The following DMPK variants were observed in gnomAD, a reference collection of about 807,000 sequenced individuals.
DMPK encodes myotonin-protein kinase.
A neutral mutation model predicts 70.3 loss-of-function variants in DMPK; 32 were observed. The observed-to-expected ratio is 0.46, with a 90% CI of 0.34 to 0.61. The LOEUF is 0.61. Among genes scored for constraint, DMPK ranks in the 20% least tolerant of loss-of-function variants. DMPK has a pLI of 0.01. For synonymous variants in DMPK, 469 were observed against 390.9 expected, an observed-to-expected ratio of 1.20 and a Z score of -2.36; for missense variants, 899 against 886.0, an observed-to-expected ratio of 1.01 and a Z score of -0.19.
In DMPK at chr19:45,771,055, A is replaced by T; in HGVS notation, c.1653T>A (p.Asp551Glu). 6.6e-7 allele frequency: 1 copy of T among 1,521,494 alleles called. No individual in the cohort carries two copies. The highest frequency in any genetic ancestry group is 8.8e-7 in the Non-Finnish European group (1 of 1,135,916). 94.2% of individuals were successfully genotyped at this position (1,521,494 alleles called of 1,614,324 possible). ...PRATDPPSHL[D>E]GPPAVAVGQC... ...GGCCCACAGCCACGGCCGGGGGGCC[A>T]TCTAGCTGGAGAGAGAAGGGACAGG... Residue 551 changes from aspartate to glutamate, a missense_variant, in exon 14 of 15, where the codon GAT becomes GAA. By Grantham distance (45) the Asp-to-Glu change is conservative. Coordinates refer to ENST00000291270, the MANE Select transcript of DMPK (RefSeq NM_004409.5).
In DMPK at chr19:45,771,659, T is replaced by C. The variant is rs1390572506; in HGVS notation, c.1509A>G (p.Leu503=). The C allele has an allele frequency of 1.2e-6, 2 of 1,613,870 alleles. No individual in the cohort carries two copies. The highest frequency in any genetic ancestry group is 1.1e-5 in the South Asian group (1 of 91,084). ...RTDNQNFASQ[L]REAEARNRDL... ...CCCGGTTCCGAGCCTCTGCCTCGCG[T>C]AGTTGACTGTGGGGAGGTAAGGACG... The change falls in exon 12 of 15, where the codon CTA becomes CTG. Residue 503 remains leucine (L), a synonymous_variant. Transcript: ENST00000291270.
rs754121701 is a variant in DMPK, at chr19:45,777,419, G to T, written c.1054C>A (p.Pro352Thr). ...CCTTCGAAATCCGGTGTAAAGGGGG[G>T]CACGCTGTCCCGGAGACCATCCCAG... ...LDWDGLRDSV[P>T]PFTPDFEGAT... Residue 352 changes from proline to threonine, a missense_variant, in exon 8 of 15, where the codon CCC becomes ACC. By Grantham distance (38) the Pro-to-Thr change is conservative. Around this residue, in one of 3 missense-constraint regions of DMPK, gnomAD observed 555 missense variants for 483.8 expected, o/e 1.15. Transcript: ENST00000291270. The surrounding 1 kb of genome is among the most constrained non-coding windows in gnomAD (Gnocchi z 6.7). 1 of 1,613,370 alleles carries T rather than the reference G, an allele frequency of 6.2e-7. No individual in the cohort carries two copies. The highest frequency in any genetic ancestry group is 8.5e-7 in the Non-Finnish European group (1 of 1,179,946).
At chr19:45,773,098 C>T (rs1031800187) in intron 9 of DMPK, among the ~76,000 whole-genome samples, 2 of 152,166 alleles carry the variant, frequency 1.3e-5, no homozygotes, top group East Asian at 1.9e-4. Context: ...ACAGGGAGGC[C>T]GACCTGATGG....
chr19:45,777,781 C>G lies in DMPK; in HGVS notation c.768G>C (p.Gly256=). The G allele has an allele frequency of 6.2e-7, 1 of 1,613,004 alleles. No individual in the cohort carries two copies. The highest frequency in any genetic ancestry group is 8.5e-7 in the Non-Finnish European group (1 of 1,180,030). Residue 256 remains glycine (G), a synonymous_variant, in exon 7 of 15, where the codon GGG becomes GGC. Transcript: ENST00000291270. The surrounding 1 kb of genome is among the most constrained non-coding windows in gnomAD (Gnocchi z 6.7). ...CCAGCGCCCACCAGTCACACTCGGG[C>G]CCGTAGCTGCCTGTCCCAGGCCCAC... The part of the protein sequence containing the change: ...VGGGPGTGSY[G]PECDWWALGV...
intron 10 of DMPK, chr19:45,772,193 C>T: frequency 2.1e-6 from 1 of 487,074 alleles, no homozygotes; most frequent in South Asian, 3.5e-5. Context: ...CCCTCTGCTG[C>T]TCAAAATCCC....
chr19:45,771,287 G>C (rs372182032), intron 13 of DMPK, 63 bp downstream of exon 13: 99 of 1,542,158 alleles, frequency 6.4e-5, no homozygotes, highest in Non-Finnish European at 8.5e-5. Context: ...GAGACCAGGA[G>C]CCAGGGAGGG....
chr19:45,772,470 CTGTAACTACAGAGACCGTCCCA>C, intron 10 of DMPK, 149 bp downstream of exon 10: 1 of 510,084 alleles, frequency 2.0e-6, no homozygotes, highest in Middle Eastern at 2.7e-4. Context: ...TAATGCCCCA[CTGTAACTACAGAGACCGTCCCA>C]TGTCTGAAGT....
intron 5 of DMPK, 88 bp downstream of exon 5, chr19:45,778,405 C>T (rs1969902226): frequency 1.3e-6 from 2 of 1,533,522 alleles, no homozygotes; most frequent in Non-Finnish European, 8.9e-7. Flanking sequence ...GAAGGTCCCT[C>T]TCCAGGCCCT....
At position 45,770,718 on chromosome 19, in the gene DMPK, G is replaced by A. The variant is rs924606275; in HGVS notation, c.1738-78C>T. On this transcript the variant is annotated intron_variant, in intron 14 of 14. Coordinates refer to ENST00000291270, the MANE Select transcript of DMPK (RefSeq NM_004409.5). ...GGGACTCGCCCCGCCTACGCCCATA[G>A]GTGGGCCCGCACTCTTCCCTGCGCC... 18 of 1,470,950 alleles carry A rather than the reference G, an allele frequency of 1.2e-5. No individual in the cohort carries two copies. The South Asian group carries it at 2.2e-4, about 18-fold the overall frequency. The allele number at this position is 1,470,950 out of a possible 1,614,324, so 91.1% of individuals were successfully genotyped here.
chr19:45,770,821 T>G (rs2146219670), intron 14 of DMPK, 150 bp downstream of exon 14: 1 of 958,300 alleles, frequency 1.0e-6, no homozygotes, highest in Middle Eastern at 3.4e-4. Context: ...CGTCATTGGC[T>G]GCTTCCTAGC....
chr19:45,770,156 C>T lies in DMPK; in HGVS notation c.*332G>A, dbSNP rs1328477637. On this transcript the variant is annotated 3_prime_UTR_variant, in exon 15 of 15. Coordinates refer to ENST00000291270, the MANE Select transcript of DMPK (RefSeq NM_004409.5). ...CCCAGGCCTGCAGTTTGCCCATCCA[C>T]GTCAGGGCCTCAGCCTGGCCGAAAG... The T allele has an allele frequency of 3.2e-6, 2 of 634,884 alleles. No individual in the cohort carries two copies. The highest frequency in any genetic ancestry group is 2.4e-5 in the Admixed American group (1 of 41,812). 39.3% of individuals were successfully genotyped at this position (634,884 alleles called of 1,614,324 possible).
rs771380204 is a variant in DMPK at position 45,779,541 on chromosome 19, G to C, written c.253-19C>G. ...CCGCTACCTGAGGTCGAGATAGTGA[G>C]ACAGAGTGGAGACGGCGGGAAAACA... On this transcript the variant is annotated intron_variant, in intron 2 of 14. Transcript: ENST00000291270. 2.9e-5 allele frequency: 46 copies of C among 1,613,240 alleles called. No individual in the cohort carries two copies. The highest frequency in any genetic ancestry group is 3.9e-5 in the Non-Finnish European group (46 of 1,179,686).
Position 45,777,127 on chromosome 19 carries a change from G to A in DMPK, c.1146+200C>T. The A allele has an allele frequency of 1.4e-6, 1 of 729,830 alleles. No homozygotes were observed. Among genetic ancestry groups the A allele is most frequent in the Non-Finnish European group, 2.1e-6 (1 of 470,072 alleles). The allele number at this position is 729,830 out of a possible 1,614,324, so 45.2% of individuals were successfully genotyped here. On this transcript the variant is annotated intron_variant, in intron 8 of 14. Coordinates refer to ENST00000291270, the MANE Select transcript of DMPK (RefSeq NM_004409.5). This position sits in a 1 kb window ranked among gnomAD's most constrained non-coding sequence, Gnocchi z 6.7. ...GCCCTGATCACTCTGGGGCCTTACT[G>A]TCTGAAGACTGCTCTGTGTTCCCCC...
Position 45,770,446 on chromosome 19 carries a change from A to AC in DMPK, c.*41_*42insG. ...CTTCTGTGCCGTGCCCCGGGCACTC[A>AC]GTCTTCCAACGGGGCCCCGGAGTCG... On this transcript the variant is annotated 3_prime_UTR_variant, in exon 15 of 15. Transcript: ENST00000291270. 6.5e-7 allele frequency: 1 copy of AC among 1,547,836 alleles called. No individual in the cohort carries two copies.
intron 13 of DMPK, 49 bp downstream of exon 13, chr19:45,771,301 C>G (rs1969420593): frequency 1.9e-6 from 3 of 1,556,658 alleles, no homozygotes; most frequent in Non-Finnish European, 2.6e-6. Context: ...GGGAGGGGAT[C>G]TGCAGAATGG....
chr19:45,779,023 C>G (rs1371043237), intron 4 of DMPK: 26 of 593,140 alleles, frequency 4.4e-5, no homozygotes, highest in Non-Finnish European at 7.2e-5. Context: ...CCCCCCGCAA[C>G]AGAGACATCT....
chr19:45,776,076 A>C (rs1600432381), intron 8 of DMPK, among the ~76,000 whole-genome samples: 6 of 88,648 alleles, frequency 6.8e-5, no homozygotes, highest in Admixed American at 3.1e-4. Flanking sequence ...CCGGCCTTGG[A>C]CTCCCAAAGT....
rs1969942207 is a variant in DMPK, at chr19:45,778,883, C to T, written c.433-242G>A. On this transcript the variant is annotated intron_variant, in intron 4 of 14. Coordinates refer to ENST00000291270, the MANE Select transcript of DMPK (RefSeq NM_004409.5). ...TGGGATGTCACTGGGCAGATTCACT[C>T]CCCCTGAGATGTTCTGGGAAAGAGA... 5 of 555,694 alleles carry T rather than the reference C, an allele frequency of 9.0e-6. No individual in the cohort carries two copies. In the South Asian group the frequency reaches 1.2e-4, roughly 13 times the overall value. 34.4% of individuals were successfully genotyped at this position (555,694 alleles called of 1,614,324 possible). A position where few individuals can be genotyped will look rare whatever the true frequency, so the allele number is the denominator to read the frequency against.
intron 9 of DMPK, among the ~76,000 whole-genome samples, chr19:45,774,115 G>A (rs144950565): frequency 1.4e-3 from 205 of 151,836 alleles, no homozygotes; most frequent in Non-Finnish European, 1.9e-3. Flanking sequence ...CACCACGCCT[G>A]GCTAATTTTG....
Sources: gnomAD v4.1 joint callset for allele counts (sites outside exome capture counted in the v4.1 genomes callset) on GRCh38, gnomAD v4.1.1 for gene constraint, gnomAD v4.1.1 regional missense constraint, Gnocchi (gnomAD v3.1) non-coding constraint, MANE v1.5 for transcripts, NCBI Gene and HGNC (gene_info 2026-07-23, HGNC 2026-07-21) for gene names.